The following ADAMTS20 variants were observed in gnomAD, a reference collection of about 807,000 sequenced individuals.
The protein encoded by ADAMTS20 is A disintegrin and metalloproteinase with thrombospondin motifs 20.
In ADAMTS20, 225 loss-of-function variants were observed where a neutral mutation model predicts 260.1. The observed-to-expected ratio is 0.87, with a 90% CI of 0.78 to 0.97. ADAMTS20 has a LOEUF of 0.97. ADAMTS20 is among the 50% of genes least tolerant of loss of function. ADAMTS20 has a pLI of 0.00. For missense variants in ADAMTS20, 2,400 were observed against 2,337.7 expected (o/e 1.03, Z -0.55); for synonymous variants, 802 against 769.5 (o/e 1.04, Z -0.70).
At chr12:43,448,126 C>G (rs879270283) in intron 14 of ADAMTS20, among the ~76,000 whole-genome samples, 1 of 151,776 alleles carries the variant, frequency 6.6e-6, no homozygotes, top group Non-Finnish European at 1.5e-5. Context: ...CTTTATAGAA[C>G]TAGAGAAAAC....
intron 2 of ADAMTS20, among the ~76,000 whole-genome samples, chr12:43,541,649 A>G (rs1387272095): frequency 6.6e-6 from 1 of 152,248 alleles, no homozygotes; most frequent in African/African-American, 2.4e-5. Flanking sequence ...AATCATGCCT[A>G]GGAAATAGTG....
chr12:43,401,074 G>A (rs904400980), intron 28 of ADAMTS20, among the ~76,000 whole-genome samples: 9 of 151,918 alleles, frequency 5.9e-5, no homozygotes, highest in Admixed American at 4.6e-4. Flanking sequence ...AACACTACAC[G>A]ATACCAAATA....
chr12:43,442,569 T>A (rs1035724843), intron 16 of ADAMTS20, among the ~76,000 whole-genome samples: 3 of 152,198 alleles, frequency 2.0e-5, no homozygotes, highest in Non-Finnish European at 4.4e-5. Flanking sequence ...ACATTTCTAA[T>A]TTTTAAAGTT....
At chr12:43,511,433 C>A (rs1942922713) in intron 3 of ADAMTS20, among the ~76,000 whole-genome samples, 1 of 151,990 alleles carries the variant, frequency 6.6e-6, no homozygotes, top group African/African-American at 2.4e-5. Flanking sequence ...AGACTGAGAA[C>A]ACTGTTGGGC....
rs561441516 is a variant in ADAMTS20 at position 43,478,772 on chromosome 12, T to G, written c.1118-10067A>C. Among the ~76,000 whole-genome samples the G allele has an allele frequency of 2.0e-5, 3 of 152,330 alleles. No individual in the cohort carries two copies. In the East Asian group the frequency reaches 5.8e-4, roughly 29 times the overall value. On this transcript the variant is annotated intron_variant, in intron 7 of 38. Coordinates refer to ENST00000389420, the MANE Select transcript of ADAMTS20 (RefSeq NM_025003.5). ...AATTGGTAACTAGAAAAATATATTT[T>G]GAAAATAAGAGTATTTGCCTGTTAA...
At chr12:43,434,217 GT>G (rs1941505153) in intron 19 of ADAMTS20, 27 bp downstream of exon 19, 2 of 1,545,000 alleles carry the variant, frequency 1.3e-6, no homozygotes, top group Non-Finnish European at 1.8e-6. Context: ...TATTAATCTG[GT>G]TATATTACAT....
At chr12:43,369,230 G>C (rs1940050592) in intron 37 of ADAMTS20, 60 bp downstream of exon 37, 1 of 1,052,040 alleles carries the variant, frequency 9.5e-7, no homozygotes, top group Admixed American at 3.7e-5. Flanking sequence ...AAAAATGAAT[G>C]AAGAGAAGCT....
At chr12:43,437,926 T>C (rs370384288) in intron 18 of ADAMTS20, among the ~76,000 whole-genome samples, 107 of 152,170 alleles carry the variant, frequency 7.0e-4, no homozygotes, top group African/African-American at 2.6e-3. Context: ...AAAATCAAAT[T>C]GATAAATTCT....
chr12:43,394,217 A>C (rs1320226555), intron 29 of ADAMTS20, among the ~76,000 whole-genome samples: 1 of 152,122 alleles, frequency 6.6e-6, no homozygotes, highest in Non-Finnish European at 1.5e-5. Context: ...AAGTCTTTGT[A>C]GTTTAAATCA....
intron 3 of ADAMTS20, among the ~76,000 whole-genome samples, chr12:43,503,474 G>A (rs1942797270): frequency 6.6e-6 from 1 of 151,908 alleles, no homozygotes; most frequent in Non-Finnish European, 1.5e-5. Context: ...ATGGCTGTAA[G>A]AAAGAAACAG....
At chr12:43,365,488 G>T (rs192922058) in intron 37 of ADAMTS20, among the ~76,000 whole-genome samples, 1 of 151,804 alleles carries the variant, frequency 6.6e-6, no homozygotes, top group South Asian at 2.1e-4. Context: ...GACAATAATG[G>T]CACAAATAAG....
At chr12:43,446,874 T>A (rs935779007) in intron 14 of ADAMTS20, 162 bp from the exon 15 acceptor site, 17 of 591,578 alleles carry the variant, frequency 2.9e-5, no homozygotes, top group Admixed American at 1.2e-4. Context: ...TCTATGCACA[T>A]GAACTAGAAA....
chr12:43,551,356 A>AAGGTCCC lies in ADAMTS20; in HGVS notation c.92-93_92-87dup. The stretch of plus-strand genomic sequence containing the variant: ...CTTCTTCCACCAAACGTCCCCGCTA[A>AAGGTCCC]AGGTCCCAGGTCCCAGTACAGCCAG... On this transcript the variant is annotated intron_variant, in intron 1 of 38. Coordinates refer to ENST00000389420, the MANE Select transcript of ADAMTS20 (RefSeq NM_025003.5). The surrounding 1 kb of genome is among the most constrained non-coding windows in gnomAD (Gnocchi z 4.6). 1 of 1,516,334 alleles carries AAGGTCCC rather than the reference A, an allele frequency of 6.6e-7. No individual in the cohort carries two copies. The highest frequency in any genetic ancestry group is 2.3e-5 in the East Asian group (1 of 42,908). 93.9% of individuals were successfully genotyped at this position (1,516,334 alleles called of 1,614,324 possible).
At chr12:43,433,215 A>C (rs1565696065) in intron 19 of ADAMTS20, among the ~76,000 whole-genome samples, 1 of 152,344 alleles carries the variant, frequency 6.6e-6, no homozygotes, top group African/African-American at 2.4e-5. Flanking sequence ...ATAAAAATAA[A>C]GCATTTAAAA....
intron 31 of ADAMTS20, among the ~76,000 whole-genome samples, chr12:43,380,022 T>A (rs1165264537): frequency 1.3e-5 from 2 of 150,070 alleles, no homozygotes; most frequent in Non-Finnish European, 3.0e-5. Flanking sequence ...TTCTTAAGAA[T>A]ATAGATGTAA....
At chr12:43,469,054 A>C (rs905646998) in intron 7 of ADAMTS20, among the ~76,000 whole-genome samples, 1 of 152,102 alleles carries the variant, frequency 6.6e-6, no homozygotes, top group Admixed American at 6.5e-5. Flanking sequence ...AAAGAGATTA[A>C]ATGTGTTGAT....
intron 37 of ADAMTS20, among the ~76,000 whole-genome samples, chr12:43,360,240 G>A (rs1022728901): frequency 3.9e-5 from 6 of 152,244 alleles, no homozygotes; most frequent in Admixed American, 3.9e-4. Context: ...CCTGAGGTCA[G>A]GAGTTCAAGA....
chr12:43,405,229 C>CCAAAAAAAAAAAAA lies in ADAMTS20; in HGVS notation c.4285-5997_4285-5996insTTTTTTTTTTTTTG, dbSNP rs1410899520. Among the ~76,000 whole-genome samples the CCAAAAAAAAAAAAA allele has an allele frequency of 6.1e-4, 32 of 52,780 alleles. 11 individuals are homozygous for CCAAAAAAAAAAAAA. Among genetic ancestry groups the CCAAAAAAAAAAAAA allele is most frequent in the Admixed American group, 2.3e-3 (8 of 3,484 alleles). The allele number at this position is 52,780 out of a possible 152,430, so 34.6% of individuals were successfully genotyped here. A position where few individuals can be genotyped will look rare whatever the true frequency, so the allele number is the denominator to read the frequency against. Reference sequence around the variant, plus strand: ...GTAACAAAATGAGACCTCATCTCTACAAAAAAAAAAAAAAAAAAAAAAAAA... The same window carrying CCAAAAAAAAAAAAA: ...GTAACAAAATGAGACCTCATCTCTACCAAAAAAAAAAAAAAAAAAAAAAAAAAAAAAAAAAAAAA... On this transcript the variant is annotated intron_variant, in intron 28 of 38. Transcript: ENST00000389420.
At chr12:43,463,142 C>A (rs1248544963) in intron 10 of ADAMTS20, 143 bp from the exon 11 acceptor site, 3 of 470,526 alleles carry the variant, frequency 6.4e-6, no homozygotes, top group Non-Finnish European at 7.3e-6. Flanking sequence ...AATTTTTTTA[C>A]TAAGTTCTAG....
Sources: gnomAD v4.1 joint callset for allele counts (sites outside exome capture counted in the v4.1 genomes callset) on GRCh38, gnomAD v4.1.1 for gene constraint, Gnocchi (gnomAD v3.1) non-coding constraint, MANE v1.5 for transcripts, NCBI Gene and HGNC (gene_info 2026-07-23, HGNC 2026-07-21) for gene names.